The following BMPR2 variants were observed in gnomAD, a reference collection of about 807,000 sequenced individuals.
BMPR2 encodes bone morphogenetic protein receptor type-2.
BMPR2 carries 29 observed loss-of-function variants against 100.8 expected under a neutral mutation model. The ratio of observed to expected loss-of-function variants is 0.29; its 90% CI spans 0.21 to 0.39. The LOEUF (loss-of-function observed/expected upper bound fraction) is 0.39. Ranked by LOEUF, BMPR2 falls within the 10% of genes least tolerant of loss-of-function variation. BMPR2 has a pLI of 1.00. For synonymous variants in BMPR2, 382 were observed against 442.3 expected (o/e 0.86, Z 1.71); for missense variants, 1,011 against 1,274.5 (o/e 0.79, Z 3.15).
intron 1 of BMPR2, among the ~76,000 whole-genome samples, chr2:202,460,001 GA>G (rs1335386956): frequency 1.3e-5 from 2 of 151,994 alleles, no homozygotes; most frequent in Non-Finnish European, 2.9e-5. Context: ...ACAATTATAT[GA>G]AAAAACGGCT....
intron 7 of BMPR2, among the ~76,000 whole-genome samples, chr2:202,530,567 ATGTT>A (rs2106017827): frequency 1.3e-5 from 2 of 152,282 alleles, no homozygotes; most frequent in East Asian, 3.9e-4. Flanking sequence ...AAGTGGCAGC[ATGTT>A]TGTTAGTTTT....
At chr2:202,433,820 A>G (rs1004112267) in intron 1 of BMPR2, among the ~76,000 whole-genome samples, 2 of 150,398 alleles carry the variant, frequency 1.3e-5, no homozygotes, top group African/African-American at 5.0e-5. Flanking sequence ...AGCCAGGAGA[A>G]TTGCTTGAAC....
intron 10 of BMPR2, among the ~76,000 whole-genome samples, chr2:202,550,212 A>G (rs1688451358): frequency 6.6e-6 from 1 of 152,058 alleles, no homozygotes; most frequent in South Asian, 2.1e-4. Context: ...TACTAAAAAT[A>G]CAAAAACAAA....
chr2:202,415,083 G>A (rs900696604), intron 1 of BMPR2, among the ~76,000 whole-genome samples: 5 of 152,112 alleles, frequency 3.3e-5, no homozygotes, highest in Non-Finnish European at 5.9e-5. Context: ...CAGAAGAAAA[G>A]TTTAAAGTTA....
In BMPR2 at chr2:202,536,224, C is replaced by T. The variant is rs549532501; in HGVS notation, c.1276+3492C>T. On this transcript the variant is annotated intron_variant, in intron 9 of 12. Coordinates refer to ENST00000374580, the MANE Select transcript of BMPR2 (RefSeq NM_001204.7). ...ACCTCCCCAGGCTCAGGTGATTCTC[C>T]CACCTCAGCCTCTGAGTAGCTGGGA... 9.0e-4 allele frequency among the ~76,000 whole-genome samples: 137 copies of T among 152,132 alleles called. 1 individual carries two copies. The highest frequency in any genetic ancestry group is 3.1e-3 in the African/African-American group (129 of 41,504).
At position 202,555,548 on chromosome 2, in the gene BMPR2, C is replaced by T; in HGVS notation, c.1883C>T (p.Thr628Ile). The change falls in exon 12 of 13, where the codon ACT becomes ATT. Residue 628 changes from threonine to isoleucine, a missense_variant. This residue lies in a region of BMPR2 where 508 missense variants were observed against 552.0 expected (regional missense o/e 0.92). Transcript: ENST00000374580. ...CTCACGCCAAGTACTGGCATGACTA[C>T]TATATCTGAGATGCCATACCCAGAT... ...TGLTPSTGMT[T>I]ISEMPYPDET... 6.2e-7 allele frequency: 1 copy of T among 1,614,180 alleles called. No homozygotes were observed. Among genetic ancestry groups the T allele is most frequent in the South Asian group, 1.1e-5 (1 of 91,086 alleles).
intron 3 of BMPR2, among the ~76,000 whole-genome samples, chr2:202,489,429 CAG>C (rs1464769282): frequency 5.9e-5 from 9 of 152,200 alleles, no homozygotes; most frequent in Admixed American, 2.6e-4. Flanking sequence ...AAAGTAAAGA[CAG>C]TGGTGATTAA....
intron 10 of BMPR2, among the ~76,000 whole-genome samples, chr2:202,543,832 T>C (rs1267913097): frequency 6.6e-6 from 1 of 152,192 alleles, no homozygotes; most frequent in African/African-American, 2.4e-5. Context: ...CAACAAAGTA[T>C]TGTGCTTGGA....
intron 10 of BMPR2, among the ~76,000 whole-genome samples, chr2:202,546,967 G>T (rs1236578514): frequency 6.6e-6 from 1 of 150,968 alleles, no homozygotes; most frequent in Non-Finnish European, 1.5e-5. Flanking sequence ...TAGAGACAGG[G>T]TAGTTGCCAA....
chr2:202,474,157 C>A lies in BMPR2; in HGVS notation c.418+6468C>A, dbSNP rs371497059. 4.6e-5 allele frequency among the ~76,000 whole-genome samples: 7 copies of A among 150,818 alleles called. No individual in the cohort carries two copies. In the South Asian group the frequency reaches 1.1e-3, roughly 23 times the overall value. ...ATTACTAAAAACTGTGCAAACTTAG[C>A]AAAGAAATAAGTGGATCGCCGGGCA... On this transcript the variant is annotated intron_variant, in intron 3 of 12. Transcript: ENST00000374580.
chr2:202,527,384 A>G (rs1687934575), intron 7 of BMPR2, among the ~76,000 whole-genome samples: 1 of 151,882 alleles, frequency 6.6e-6, no homozygotes, highest in African/African-American at 2.4e-5. Flanking sequence ...GCTACTCGGT[A>G]GGCTGAGGCA....
At chr2:202,524,761 G>A (rs921561370) in intron 7 of BMPR2, among the ~76,000 whole-genome samples, 3 of 152,090 alleles carry the variant, frequency 2.0e-5, no homozygotes, top group East Asian at 3.9e-4. Context: ...GGCTAGGTGC[G>A]GTGGCTCACG....
intron 12 of BMPR2, among the ~76,000 whole-genome samples, chr2:202,558,037 G>A (rs1395206537): frequency 1.3e-5 from 2 of 152,134 alleles, no homozygotes; most frequent in African/African-American, 4.8e-5. Context: ...AGAAACTGTA[G>A]GCTAGGCACG....
Position 202,555,778 on chromosome 2 carries a change from A to G in BMPR2, c.2113A>G (p.Ser705Gly). ...AGACCCACTGAGCAGTACTAGTTCTAGCTTGCTTTACCCACTCATAAAACT... is the reference window on the plus strand; with the variant it reads ...AGACCCACTGAGCAGTACTAGTTCTGGCTTGCTTTACCCACTCATAAAACT... ...GPDPLSSTSS[S>G]LLYPLIKLAV... Residue 705 changes from serine (S) to glycine (G), a missense_variant, in exon 12 of 13, where the codon AGC (serine) becomes GGC (glycine). This residue lies in a region of BMPR2 where 508 missense variants were observed against 552.0 expected (regional missense o/e 0.92). Coordinates refer to ENST00000374580, the MANE Select transcript of BMPR2 (RefSeq NM_001204.7). 1.9e-6 allele frequency: 3 copies of G among 1,614,132 alleles called. No individual in the cohort carries two copies. Among genetic ancestry groups the G allele is most frequent in the African/African-American group, 2.7e-5 (2 of 75,040 alleles).
chr2:202,469,310 G>A (rs1251979063), intron 3 of BMPR2, among the ~76,000 whole-genome samples: 1 of 151,948 alleles, frequency 6.6e-6, no homozygotes, highest in Non-Finnish European at 1.5e-5. Context: ...TTACAGGTGT[G>A]AGCCACCGTA....
intron 1 of BMPR2, among the ~76,000 whole-genome samples, chr2:202,461,219 G>A (rs1407406980): frequency 6.6e-6 from 1 of 152,142 alleles, no homozygotes; most frequent in Non-Finnish European, 1.5e-5. Context: ...CAAGTGCAGT[G>A]GCTCATGCCT....
chr2:202,410,874 C>T (rs549285539), intron 1 of BMPR2, among the ~76,000 whole-genome samples: 1 of 152,208 alleles, frequency 6.6e-6, no homozygotes, highest in African/African-American at 2.4e-5. Context: ...CCACTGCGCC[C>T]AGTCTTTTTA....
chr2:202,430,143 T>A (rs985766830), intron 1 of BMPR2, among the ~76,000 whole-genome samples: 2 of 152,178 alleles, frequency 1.3e-5, no homozygotes, highest in Non-Finnish European at 2.9e-5. Context: ...CTCTCTCTTA[T>A]AAGGCCATCA....
At chr2:202,540,995 C>T (rs1253441009) in intron 9 of BMPR2, among the ~76,000 whole-genome samples, 1 of 151,964 alleles carries the variant, frequency 6.6e-6, no homozygotes, top group African/African-American at 2.4e-5. Flanking sequence ...ATATTATATA[C>T]ATAAACTTAA....
Sources: allele counts gnomAD v4.1 joint callset (sites outside exome capture counted in the v4.1 genomes callset), GRCh38; gene constraint gnomAD v4.1.1; regional missense constraint gnomAD v4.1.1; transcripts MANE v1.5; gene names NCBI Gene and HGNC (gene_info 2026-07-23, HGNC 2026-07-21).